HDAC4: variants seen among roughly 807,000 people sequenced by gnomAD.
HDAC4 encodes the protein histone deacetylase 4.
A neutral mutation model predicts 135.1 loss-of-function variants in HDAC4; 16 were observed. That is an observed-to-expected ratio of 0.12 (90% CI 0.08 to 0.18). HDAC4 has a LOEUF of 0.18. HDAC4 is among the 10% of genes least tolerant of loss of function. The probability of loss-of-function intolerance (pLI) is 1.00; values close to 1 mark genes in which losing one functional copy is unlikely to be tolerated. For synonymous variants in HDAC4, 685 were observed against 653.4 expected (o/e 1.05, Z -0.74); for missense variants, 1,143 against 1,511.8 (o/e 0.76, Z 4.05).
chr2:239,316,672 G>A (rs1302712428), intron 2 of HDAC4, among the ~76,000 whole-genome samples: 3 of 152,126 alleles, frequency 2.0e-5, no homozygotes, highest in Non-Finnish European at 4.4e-5. Context: ...GTGGACAGAC[G>A]TGGCGTGGTT....
intron 2 of HDAC4, among the ~76,000 whole-genome samples, chr2:239,293,266 G>C (rs2051641117): frequency 6.6e-6 from 1 of 152,236 alleles, no homozygotes; most frequent in African/African-American, 2.4e-5. Flanking sequence ...CTACTCGGGA[G>C]CTTCCCAGAG....
intron 1 of HDAC4, among the ~76,000 whole-genome samples, chr2:239,389,201 G>A (rs1039583411): frequency 2.4e-4 from 37 of 152,284 alleles, no homozygotes; most frequent in African/African-American, 5.1e-4. Context: ...AGTAGGACGT[G>A]GGTGGGGACA....
intron 2 of HDAC4, among the ~76,000 whole-genome samples, chr2:239,334,516 A>T (rs530328851): frequency 1.1e-4 from 12 of 113,116 alleles, no homozygotes; most frequent in African/African-American, 3.9e-4. Context: ...GCAAGACTCC[A>T]TCTCAAAACA....
In HDAC4 at chr2:239,122,446, G is replaced by A. The variant is rs73097673; in HGVS notation, c.1533+4010C>T. Among the ~76,000 whole-genome samples the A allele has an allele frequency of 9.8e-3, 1,490 of 152,344 alleles. 34 individuals are homozygous for A. The highest frequency in any genetic ancestry group is 0.033 in the African/African-American group (1,371 of 41,584). Reference sequence around the variant, plus strand: ...CGAACACGGAGGGCCAGTTTCACCTGCAGAGTTCCAAGGTCCACTCGCCCT... The same window carrying A: ...CGAACACGGAGGGCCAGTTTCACCTACAGAGTTCCAAGGTCCACTCGCCCT... On this transcript the variant is annotated intron_variant, in intron 12 of 26. Transcript: ENST00000543185.
intron 2 of HDAC4, among the ~76,000 whole-genome samples, chr2:239,288,086 A>G (rs2051238357): frequency 1.3e-5 from 2 of 151,800 alleles, no homozygotes; most frequent in Admixed American, 1.3e-4. Context: ...AAAGACCTTA[A>G]AAAAGGAAAA....
At chr2:239,384,334 C>T (rs1340203470) in intron 1 of HDAC4, among the ~76,000 whole-genome samples, 1 of 151,888 alleles carries the variant, frequency 6.6e-6, no homozygotes, top group Admixed American at 6.6e-5. Flanking sequence ...AAAACTGAGG[C>T]TAGGCATGGT....
At chr2:239,226,549 G>A (rs2047250859) in intron 3 of HDAC4, among the ~76,000 whole-genome samples, 1 of 152,224 alleles carries the variant, frequency 6.6e-6, no homozygotes, top group African/African-American at 2.4e-5. Context: ...AATTCTCCAC[G>A]ACGCCCCAAC....
chr2:239,221,209 C>T (rs1483278710), intron 3 of HDAC4, among the ~76,000 whole-genome samples: 1 of 152,120 alleles, frequency 6.6e-6, no homozygotes, highest in Non-Finnish European at 1.5e-5. Flanking sequence ...AAAAGAGAAG[C>T]GAAGGGGATG....
chr2:239,219,342 C>G (rs572631745), intron 3 of HDAC4, among the ~76,000 whole-genome samples: 2 of 152,140 alleles, frequency 1.3e-5, no homozygotes, highest in East Asian at 3.9e-4. Flanking sequence ...AATTGGAAAT[C>G]ATCATTCTCA....
At chr2:239,164,113 T>A (rs1265092312) in intron 5 of HDAC4, among the ~76,000 whole-genome samples, 190 bp from the exon 6 acceptor site, 2 of 152,160 alleles carry the variant, frequency 1.3e-5, no homozygotes, top group African/African-American at 2.4e-5. Flanking sequence ...TTTCTTCCCA[T>A]CAAGATTTTA....
chr2:239,374,140 G>T (rs1694824268), intron 1 of HDAC4, among the ~76,000 whole-genome samples: 1 of 152,206 alleles, frequency 6.6e-6, no homozygotes, highest in African/African-American at 2.4e-5. Context: ...CAAAGCAGAG[G>T]CGATCAGGCA....
At chr2:239,226,251 C>T (rs1035806994) in intron 3 of HDAC4, among the ~76,000 whole-genome samples, 2 of 152,186 alleles carry the variant, frequency 1.3e-5, no homozygotes, top group Non-Finnish European at 2.9e-5. Flanking sequence ...CCACCAGTGA[C>T]ACTCCGAATA....
chr2:239,242,423 A>G (rs1303470942), intron 2 of HDAC4, among the ~76,000 whole-genome samples: 1 of 152,208 alleles, frequency 6.6e-6, no homozygotes, highest in Non-Finnish European at 1.5e-5. Context: ...CTTTAGATTT[A>G]TTACTAGGTA....
intron 5 of HDAC4, among the ~76,000 whole-genome samples, chr2:239,168,040 G>A (rs770211110): frequency 1.1e-4 from 16 of 152,228 alleles, no homozygotes; most frequent in Non-Finnish European, 2.1e-4. Flanking sequence ...TGGGCCTGGC[G>A]AGTCCAGACG....
intron 2 of HDAC4, among the ~76,000 whole-genome samples, chr2:239,264,736 G>C (rs1009138477): frequency 6.6e-6 from 1 of 152,226 alleles, no homozygotes; most frequent in Non-Finnish European, 1.5e-5. Flanking sequence ...ATTTCTTGGG[G>C]GGAGGCTCTT....
chr2:239,291,006 C>T (rs1006773464), intron 2 of HDAC4, among the ~76,000 whole-genome samples: 7 of 152,204 alleles, frequency 4.6e-5, no homozygotes, highest in South Asian at 2.1e-4. Flanking sequence ...TCAAGAAAAC[C>T]GAGGACAAAA....
chr2:239,272,681 A>G (rs1010030753), intron 2 of HDAC4, among the ~76,000 whole-genome samples: 10 of 152,188 alleles, frequency 6.6e-5, no homozygotes, highest in Non-Finnish European at 1.5e-4. Context: ...TGTCAAACCC[A>G]GCATCGGAAC....
intron 3 of HDAC4, among the ~76,000 whole-genome samples, chr2:239,209,415 A>G (rs1174104932): frequency 1.3e-5 from 2 of 152,212 alleles, no homozygotes; most frequent in African/African-American, 4.8e-5. Flanking sequence ...ATTACTGTGG[A>G]AAAAACAGGG....
At chr2:239,288,499 C>G (rs941509425) in intron 2 of HDAC4, among the ~76,000 whole-genome samples, 9 of 152,140 alleles carry the variant, frequency 5.9e-5, no homozygotes, top group African/African-American at 2.2e-4. Flanking sequence ...GAGAGGAAGA[C>G]ACTAAACTAG....
Sources: gnomAD v4.1 joint callset for allele counts (sites outside exome capture counted in the v4.1 genomes callset) on GRCh38, gnomAD v4.1.1 for gene constraint, MANE v1.5 for transcripts, NCBI Gene and HGNC (gene_info 2026-07-23, HGNC 2026-07-21) for gene names.